CORO1C: variants seen among roughly 807,000 people sequenced by gnomAD.
The protein encoded by CORO1C is coronin-1C.
CORO1C carries 14 observed loss-of-function variants against 51.2 expected under a neutral mutation model. The ratio of observed to expected loss-of-function variants is 0.27; its 90% CI spans 0.18 to 0.43. CORO1C has a LOEUF of 0.43. Among genes scored for constraint, CORO1C ranks in the 20% least tolerant of loss-of-function variants. CORO1C has a pLI of 1.00. For missense variants in CORO1C, 417 were observed against 607.8 expected (o/e 0.69, Z 3.30); for synonymous variants, 181 against 210.5 (o/e 0.86, Z 1.21).
intron 2 of CORO1C, among the ~76,000 whole-genome samples, chr12:108,700,518 C>T (rs2034833726): frequency 6.6e-6 from 1 of 152,050 alleles, no homozygotes; most frequent in Admixed American, 6.6e-5. Context: ...AAACATAGAA[C>T]CATTCTCAGT....
At chr12:108,723,466 A>G (rs2035520763) in intron 1 of CORO1C, among the ~76,000 whole-genome samples, 1 of 152,256 alleles carries the variant, frequency 6.6e-6, no homozygotes, top group African/African-American at 2.4e-5. Context: ...TGATATCAAA[A>G]GTAGAAAATA....
chr12:108,724,650 C>T (rs981333828), intron 1 of CORO1C, among the ~76,000 whole-genome samples: 5 of 152,142 alleles, frequency 3.3e-5, no homozygotes, highest in African/African-American at 1.2e-4. Flanking sequence ...AATAATATAT[C>T]CTTTAAAAGA....
At chr12:108,667,020 T>G (rs1470806498) in intron 3 of CORO1C, among the ~76,000 whole-genome samples, 1 of 151,636 alleles carries the variant, frequency 6.6e-6, no homozygotes, top group Non-Finnish European at 1.5e-5. Flanking sequence ...TGGCTTACTG[T>G]GCGGATACAA....
intron 1 of CORO1C, chr12:108,701,552 A>C (rs1046738893): frequency 6.1e-5 from 35 of 576,972 alleles, no homozygotes; most frequent in Admixed American, 1.6e-4. Context: ...TCCTAATTCA[A>C]GATCCAGAAA....
intron 2 of CORO1C, among the ~76,000 whole-genome samples, chr12:108,685,800 T>C (rs2034274173): frequency 6.6e-6 from 1 of 152,042 alleles, no homozygotes. Context: ...ACTAAATATC[T>C]GACAGTGATA....
chr12:108,689,813 A>AT (rs2034434194), intron 2 of CORO1C, among the ~76,000 whole-genome samples: 1 of 152,196 alleles, frequency 6.6e-6, no homozygotes, highest in South Asian at 2.1e-4. Context: ...AATTTCAATC[A>AT]TAACTTATTT....
intron 5 of CORO1C, among the ~76,000 whole-genome samples, chr12:108,657,920 G>A (rs894601066): frequency 6.6e-6 from 1 of 152,146 alleles, no homozygotes; most frequent in African/African-American, 2.4e-5. Flanking sequence ...ACAGGGCTGG[G>A]CAAGTCCCCA....
At chr12:108,657,270 G>C in intron 6 of CORO1C, 34 bp downstream of exon 6, 1 of 1,606,200 alleles carries the variant, frequency 6.2e-7, no homozygotes, top group Non-Finnish European at 8.5e-7. Context: ...GAAAGCTCAA[G>C]TGAAAGCAAG....
chr12:108,696,297 C>T (rs1037749652), intron 2 of CORO1C: 1 of 152,176 alleles, frequency 6.6e-6, no homozygotes, highest in South Asian at 2.1e-4. Context: ...TTCGCATCCT[C>T]CAGCCAAGAG....
chr12:108,667,143 C>T (rs1031722724), intron 3 of CORO1C, among the ~76,000 whole-genome samples: 3 of 151,350 alleles, frequency 2.0e-5, no homozygotes, highest in Admixed American at 2.0e-4. Context: ...ACCACTATGA[C>T]GCCATATATA....
chr12:108,698,024 G>A (rs1292664179), intron 2 of CORO1C, among the ~76,000 whole-genome samples: 1 of 152,178 alleles, frequency 6.6e-6, no homozygotes, highest in African/African-American at 2.4e-5. Context: ...ACTGATGCCT[G>A]GTAACCAGCC....
chr12:108,669,420 C>T (rs1695331141), intron 3 of CORO1C, among the ~76,000 whole-genome samples: 1 of 152,058 alleles, frequency 6.6e-6, no homozygotes, highest in African/African-American at 2.4e-5. Flanking sequence ...AAATAACAGT[C>T]CATTATACGT....
intron 10 of CORO1C, 143 bp from the exon 11 acceptor site, chr12:108,647,665 C>G (rs2032428244): frequency 1.6e-6 from 1 of 606,794 alleles, no homozygotes; most frequent in Admixed American, 3.1e-5. Context: ...GAAGTCAAAG[C>G]CCTACTATGT....
At chr12:108,725,817 A>T (rs1343707315) in intron 1 of CORO1C, among the ~76,000 whole-genome samples, 1 of 152,054 alleles carries the variant, frequency 6.6e-6, no homozygotes, top group African/African-American at 2.4e-5. Context: ...TTATTTATTT[A>T]TTTATTTTTT....
At chr12:108,656,178 G>C (rs11114021) in intron 6 of CORO1C, among the ~76,000 whole-genome samples, 1 of 66,990 alleles carries the variant, frequency 1.5e-5, no homozygotes, top group Non-Finnish European at 2.9e-5. Flanking sequence ...GAGCCCCTCC[G>C]CCCGGCAGCC....
intron 2 of CORO1C, among the ~76,000 whole-genome samples, chr12:108,699,829 G>A (rs2034807864): frequency 6.6e-6 from 1 of 152,236 alleles, no homozygotes; most frequent in African/African-American, 2.4e-5. Flanking sequence ...CAATAAGAAG[G>A]TACATTTGAA....
At chr12:108,672,315 C>T (rs1473407188) in intron 3 of CORO1C, among the ~76,000 whole-genome samples, 1 of 152,152 alleles carries the variant, frequency 6.6e-6, no homozygotes, top group Non-Finnish European at 1.5e-5. Flanking sequence ...CTTGAAAATA[C>T]AGAATACATC....
intron 3 of CORO1C, among the ~76,000 whole-genome samples, chr12:108,675,330 T>A (rs1170595001): frequency 1.3e-5 from 2 of 152,320 alleles, no homozygotes; most frequent in East Asian, 1.9e-4. Context: ...GGAATCTATC[T>A]ATCAAAGACT....
At chr12:108,730,939 C>G (rs912367800) in intron 1 of CORO1C, 1 of 151,864 alleles carries the variant, frequency 6.6e-6, no homozygotes, top group Admixed American at 6.6e-5. Context: ...CCGGCCCCTA[C>G]CCGCCCCCAC....
Sources: gnomAD v4.1 joint callset for allele counts (sites outside exome capture counted in the v4.1 genomes callset) on GRCh38, gnomAD v4.1.1 for gene constraint, MANE v1.5 for transcripts, NCBI Gene and HGNC (gene_info 2026-07-23, HGNC 2026-07-21) for gene names.